The following SLC16A12 variants were observed in gnomAD, a reference collection of about 807,000 sequenced individuals.
SLC16A12 encodes the protein solute carrier family 16 member 12, also known as monocarboxylate transporter 12.
Under a neutral mutation model 42.4 loss-of-function variants are expected in SLC16A12, and 17 were observed. The ratio of observed to expected loss-of-function variants is 0.40; its 90% CI spans 0.27 to 0.60. The LOEUF (loss-of-function observed/expected upper bound fraction) is 0.60. Among genes scored for constraint, SLC16A12 ranks in the 20% least tolerant of loss-of-function variants. SLC16A12 has a pLI of 0.42. For missense variants in SLC16A12, 544 were observed against 623.0 expected (o/e 0.87, Z 1.35); for synonymous variants, 224 against 229.4 (o/e 0.98, Z 0.21).
At chr10:89,441,764 G>A (rs1282003481) in intron 4 of SLC16A12, among the ~76,000 whole-genome samples, 1 of 152,156 alleles carries the variant, frequency 6.6e-6, no homozygotes, top group African/African-American at 2.4e-5. Context: ...CTGTGGTTGA[G>A]ATATCAAAGC....
intron 2 of SLC16A12, among the ~76,000 whole-genome samples, chr10:89,540,932 T>G (rs1423413623): frequency 1.3e-5 from 2 of 151,920 alleles, no homozygotes; most frequent in Non-Finnish European, 2.9e-5. Context: ...TTTTCCCTTT[T>G]TTTTTTTGAC....
At chr10:89,556,079 T>G (rs1257167389) in intron 1 of SLC16A12, 1 of 152,036 alleles carries the variant, frequency 6.6e-6, no homozygotes, top group Non-Finnish European at 1.5e-5. Flanking sequence ...GCTTTGAAAA[T>G]TATTCAGCTT....
At chr10:89,483,928 A>C (rs1420737226) in intron 2 of SLC16A12, among the ~76,000 whole-genome samples, 1 of 152,170 alleles carries the variant, frequency 6.6e-6, no homozygotes, top group Non-Finnish European at 1.5e-5. Context: ...GTCTTTTGGC[A>C]TCCAAATGCT....
At chr10:89,451,117 AG>A (rs1377784771) in intron 3 of SLC16A12, among the ~76,000 whole-genome samples, 3 of 152,222 alleles carry the variant, frequency 2.0e-5, no homozygotes, top group Non-Finnish European at 4.4e-5. Flanking sequence ...GGAAGAAATC[AG>A]GCCTGTGGCT....
At chr10:89,472,671 T>A (rs1842519219) in intron 2 of SLC16A12, among the ~76,000 whole-genome samples, 1 of 151,708 alleles carries the variant, frequency 6.6e-6, no homozygotes, top group Admixed American at 6.6e-5. Flanking sequence ...TTTTGTATTT[T>A]TAGTAGCGAT....
At chr10:89,531,180 A>G (rs1843545947) in intron 2 of SLC16A12, among the ~76,000 whole-genome samples, 1 of 152,110 alleles carries the variant, frequency 6.6e-6, no homozygotes, top group Non-Finnish European at 1.5e-5. Flanking sequence ...ACCTGAGGTC[A>G]GGAGTTCGAG....
intron 2 of SLC16A12, among the ~76,000 whole-genome samples, chr10:89,474,925 G>A (rs1407948049): frequency 1.3e-5 from 2 of 152,072 alleles, no homozygotes; most frequent in African/African-American, 2.4e-5. Context: ...CTTATTCACC[G>A]CAAACCATTG....
intron 2 of SLC16A12, among the ~76,000 whole-genome samples, chr10:89,542,169 C>G (rs879627382): frequency 5.3e-5 from 8 of 151,954 alleles, no homozygotes; most frequent in Admixed American, 1.3e-4. Context: ...CTGAAGATCA[C>G]AGGTAGAAGA....
rs76378709 is a variant in SLC16A12, at chr10:89,454,539, G to A, written c.200+7840C>T. Among the ~76,000 whole-genome samples the A allele has an allele frequency of 3.6e-3, 550 of 152,082 alleles. 5 individuals carry two copies. Among genetic ancestry groups the A allele is most frequent in the African/African-American group, 0.013 (530 of 41,466 alleles). ...TGCATGAGCTAGCCCTTCTTAGTGTGCCTCCTTTCTGCGCATCTGTTGGGC... is the reference window on the plus strand; with the variant it reads ...TGCATGAGCTAGCCCTTCTTAGTGTACCTCCTTTCTGCGCATCTGTTGGGC... On this transcript the variant is annotated intron_variant, in intron 3 of 7. Coordinates refer to ENST00000371790, the MANE Select transcript of SLC16A12 (RefSeq NM_213606.4).
intron 2 of SLC16A12, among the ~76,000 whole-genome samples, chr10:89,485,191 G>C (rs1002178872): frequency 1.3e-5 from 2 of 152,184 alleles, no homozygotes; most frequent in South Asian, 4.1e-4. Flanking sequence ...ATATTTGGTT[G>C]TCACAATCAG....
chr10:89,440,396 A>C (rs1483647939), intron 5 of SLC16A12, among the ~76,000 whole-genome samples: 1 of 152,182 alleles, frequency 6.6e-6, no homozygotes, highest in Non-Finnish European at 1.5e-5. Context: ...TAGCTAACAT[A>C]GCCAAATTTA....
chr10:89,527,680 A>G (rs1843477277), intron 2 of SLC16A12, among the ~76,000 whole-genome samples: 1 of 151,576 alleles, frequency 6.6e-6, no homozygotes, highest in East Asian at 1.9e-4. Context: ...GGTGGTGCCC[A>G]CCTGTAGTTC....
At chr10:89,483,733 G>C in intron 2 of SLC16A12, among the ~76,000 whole-genome samples, 1 of 122,400 alleles carries the variant, frequency 8.2e-6, no homozygotes, top group South Asian at 2.5e-4. Context: ...GTGAGACGCT[G>C]CCTCTAAAAA....
intron 3 of SLC16A12, among the ~76,000 whole-genome samples, chr10:89,445,841 G>A (rs1841991891): frequency 6.6e-6 from 1 of 152,118 alleles, no homozygotes; most frequent in South Asian, 2.1e-4. Context: ...CCCATCACAA[G>A]GAAGCTAAAA....
intron 2 of SLC16A12, among the ~76,000 whole-genome samples, chr10:89,541,955 T>G (rs981462301): frequency 1.3e-5 from 2 of 152,216 alleles, no homozygotes; most frequent in Admixed American, 1.3e-4. Context: ...AGCAATTCTT[T>G]GGAGGAAGGA....
At chr10:89,484,806 T>G (rs2133793806) in intron 2 of SLC16A12, among the ~76,000 whole-genome samples, 1 of 152,342 alleles carries the variant, frequency 6.6e-6, no homozygotes, top group Middle Eastern at 3.4e-3. Flanking sequence ...TACTAGGTAC[T>G]TAATGGAGTA....
intron 6 of SLC16A12, among the ~76,000 whole-genome samples, chr10:89,438,156 T>A (rs1022021457): frequency 2.0e-5 from 3 of 152,188 alleles, no homozygotes; most frequent in African/African-American, 4.8e-5. Context: ...TTTAGACACA[T>A]CTGGCCCATG....
intron 2 of SLC16A12, among the ~76,000 whole-genome samples, chr10:89,516,790 G>C (rs890320880): frequency 6.6e-6 from 1 of 152,202 alleles, no homozygotes; most frequent in African/African-American, 2.4e-5. Flanking sequence ...TTCTGTTTAA[G>C]AGTTTTGTGG....
chr10:89,445,315 G>C (rs1031396331), intron 3 of SLC16A12, among the ~76,000 whole-genome samples: 1 of 152,234 alleles, frequency 6.6e-6, no homozygotes, highest in African/African-American at 2.4e-5. Flanking sequence ...CTAACTGGGA[G>C]ACACCTCCCC....
Sources: allele counts gnomAD v4.1 joint callset (sites outside exome capture counted in the v4.1 genomes callset), GRCh38; gene constraint gnomAD v4.1.1; transcripts MANE v1.5; gene names NCBI Gene and HGNC (gene_info 2026-07-23, HGNC 2026-07-21).